GRIN2A: variants seen among roughly 807,000 people sequenced by gnomAD.
GRIN2A encodes the protein glutamate receptor ionotropic, NMDA 2A.
A neutral mutation model predicts 113.4 loss-of-function variants in GRIN2A; 22 were observed. The observed-to-expected ratio is 0.19, with a 90% confidence interval of 0.14 to 0.28. GRIN2A has a LOEUF of 0.28. GRIN2A is among the 10% of genes least tolerant of loss of function. The probability of loss-of-function intolerance (pLI) is 1.00; values close to 1 mark genes in which losing one functional copy is unlikely to be tolerated. For missense variants in GRIN2A, 1,502 were observed against 1,887.0 expected (o/e 0.80, Z 3.78); for synonymous variants, 827 against 738.4 (o/e 1.12, Z -1.94).
intron 2 of GRIN2A, among the ~76,000 whole-genome samples, chr16:10,139,082 T>G (rs573350878): frequency 6.6e-6 from 1 of 152,170 alleles, no homozygotes; most frequent in Non-Finnish European, 1.5e-5. Context: ...GAACACCGGA[T>G]GGAGACAGCA....
At chr16:10,074,735 G>C (rs1287368078) in intron 2 of GRIN2A, among the ~76,000 whole-genome samples, 1 of 152,212 alleles carries the variant, frequency 6.6e-6, no homozygotes, top group African/African-American at 2.4e-5. Context: ...GGGACAAAGG[G>C]AGACAGAGTG....
intron 2 of GRIN2A, among the ~76,000 whole-genome samples, chr16:10,108,734 T>C (rs557030058): frequency 7.9e-5 from 12 of 152,328 alleles, no homozygotes; most frequent in African/African-American, 2.9e-4. Context: ...CCACCATATA[T>C]GTTCTTGGAA....
At chr16:9,920,544 T>C (rs2044338499) in intron 3 of GRIN2A, among the ~76,000 whole-genome samples, 1 of 151,482 alleles carries the variant, frequency 6.6e-6, no homozygotes, top group South Asian at 2.1e-4. Flanking sequence ...TGTCTTGGCC[T>C]CCCTGCATAT....
chr16:10,089,996 C>T (rs2048156581), intron 2 of GRIN2A, among the ~76,000 whole-genome samples: 1 of 152,056 alleles, frequency 6.6e-6, no homozygotes, highest in Non-Finnish European at 1.5e-5. Context: ...AATCCCAAGA[C>T]ATAGATGATA....
chr16:9,899,744 G>A (rs924687416), intron 3 of GRIN2A, among the ~76,000 whole-genome samples: 1 of 152,138 alleles, frequency 6.6e-6, no homozygotes, highest in African/African-American at 2.4e-5. Context: ...ACCTAGAAGA[G>A]GGTGTGTCCT....
At chr16:10,013,526 C>A (rs2046548300) in intron 2 of GRIN2A, among the ~76,000 whole-genome samples, 1 of 152,222 alleles carries the variant, frequency 6.6e-6, no homozygotes, top group Non-Finnish European at 1.5e-5. Flanking sequence ...TGTTTCTCCT[C>A]CACAGGACAG....
At chr16:10,179,953 T>TG in intron 2 of GRIN2A, 45 bp downstream of exon 2, 1 of 1,372,948 alleles carries the variant, frequency 7.3e-7, no homozygotes, top group Non-Finnish European at 9.9e-7. Context: ...GCCATGCAGC[T>TG]GGTGGCTTCC....
At chr16:9,830,155 G>A (rs1330766906) in intron 8 of GRIN2A, among the ~76,000 whole-genome samples, 1 of 152,140 alleles carries the variant, frequency 6.6e-6, no homozygotes, top group Non-Finnish European at 1.5e-5. Context: ...TGTAAAGTGT[G>A]TACAACATAA....
At chr16:10,074,532 T>C (rs1429455563) in intron 2 of GRIN2A, among the ~76,000 whole-genome samples, 2 of 152,224 alleles carry the variant, frequency 1.3e-5, no homozygotes, top group Non-Finnish European at 2.9e-5. Context: ...GGCCATTCAA[T>C]GGAATGTTAT....
intron 2 of GRIN2A, chr16:10,112,786 T>G (rs1257916646): frequency 5.7e-6 from 4 of 699,176 alleles, no homozygotes; most frequent in East Asian, 2.8e-5. Context: ...GGCTCCATGA[T>G]GTACTCAGGA....
intron 3 of GRIN2A, among the ~76,000 whole-genome samples, chr16:9,917,805 C>T (rs369006104): frequency 2.0e-5 from 3 of 152,148 alleles, no homozygotes; most frequent in South Asian, 4.1e-4. Context: ...AATTTCAACA[C>T]GTCCTCCCTC....
chr16:10,139,149 A>T (rs1396592331), intron 2 of GRIN2A, among the ~76,000 whole-genome samples: 1 of 152,192 alleles, frequency 6.6e-6, no homozygotes, highest in African/African-American at 2.4e-5. Context: ...GAGGCCTGGA[A>T]TCTGCTGAGG....
chr16:9,822,236 GT>G, intron 10 of GRIN2A, 27 bp downstream of exon 10: 3 of 1,610,322 alleles, frequency 1.9e-6, no homozygotes, highest in Non-Finnish European at 2.5e-6. Context: ...TCGCAGACCT[GT>G]GGTGAAAAGG....
chr16:10,021,263 A>G (rs930902376), intron 2 of GRIN2A, among the ~76,000 whole-genome samples: 4 of 152,190 alleles, frequency 2.6e-5, no homozygotes, highest in African/African-American at 7.2e-5. Context: ...GGCTCTATTC[A>G]ACACATATTT....
chr16:9,804,257 G>A (rs933211954), intron 10 of GRIN2A, among the ~76,000 whole-genome samples: 1 of 152,132 alleles, frequency 6.6e-6, no homozygotes, highest in African/African-American at 2.4e-5. Context: ...ATGGCATTTG[G>A]AGGGGTTGAG....
chr16:10,000,525 T>C (rs1305057470), intron 2 of GRIN2A, among the ~76,000 whole-genome samples: 1 of 152,074 alleles, frequency 6.6e-6, no homozygotes. Flanking sequence ...AAGCAGTGAG[T>C]TATGTTCTAA....
chr16:9,861,835 G>A (rs2043074750), intron 4 of GRIN2A, among the ~76,000 whole-genome samples: 1 of 152,220 alleles, frequency 6.6e-6, no homozygotes. Context: ...ATGGCTACCG[G>A]CAGAGTGAAA....
At chr16:9,972,898 T>C (rs1288289149) in intron 2 of GRIN2A, among the ~76,000 whole-genome samples, 1 of 152,190 alleles carries the variant, frequency 6.6e-6, no homozygotes, top group African/African-American at 2.4e-5. Flanking sequence ...TCAAAATCAG[T>C]TTCCCCAAGA....
intron 2 of GRIN2A, among the ~76,000 whole-genome samples, chr16:9,992,565 C>T (rs1024538663): frequency 2.6e-5 from 4 of 152,174 alleles, no homozygotes; most frequent in Non-Finnish European, 2.9e-5. Context: ...CTCCTTCCAC[C>T]GGAGGCAAGG....
Sources: gnomAD v4.1 joint callset for allele counts (sites outside exome capture counted in the v4.1 genomes callset) on GRCh38, gnomAD v4.1.1 for gene constraint, MANE v1.5 for transcripts, NCBI Gene and HGNC (gene_info 2026-07-23, HGNC 2026-07-21) for gene names.